The following DUS2 variants were observed in gnomAD, a reference collection of about 807,000 sequenced individuals.
DUS2 encodes the protein tRNA-dihydrouridine(20) synthase [NAD(P)+]-like.
A neutral mutation model predicts 71.3 loss-of-function variants in DUS2; 52 were observed. The observed-to-expected ratio is 0.73, with a 90% CI of 0.58 to 0.92. The LOEUF is 0.92. DUS2 is among the 40% of genes least tolerant of loss of function. The pLI, the probability that DUS2 is intolerant of heterozygous loss-of-function variation, is 0.00. For missense variants in DUS2, 558 were observed against 622.6 expected (o/e 0.90, Z 1.10); for synonymous variants, 204 against 227.8 (o/e 0.90, Z 0.94).
chr16:68,058,264 G>A (rs369669335), intron 7 of DUS2, among the ~76,000 whole-genome samples: 4 of 149,240 alleles, frequency 2.7e-5, no homozygotes, highest in African/African-American at 4.9e-5. Context: ...CACTCTTGTC[G>A]TGCAGGCTGG....
At chr16:68,048,381 A>G (rs1228064802) in intron 3 of DUS2, among the ~76,000 whole-genome samples, 1 of 152,148 alleles carries the variant, frequency 6.6e-6, no homozygotes, top group East Asian at 1.9e-4. Context: ...CCCTGCAACT[A>G]GGATCACTGG....
chr16:68,046,738 T>G (rs2033707009), intron 3 of DUS2, among the ~76,000 whole-genome samples: 1 of 152,164 alleles, frequency 6.6e-6, no homozygotes, highest in African/African-American at 2.4e-5. Context: ...TAACGTTTTC[T>G]CTCTCATTCT....
intron 10 of DUS2, among the ~76,000 whole-genome samples, chr16:68,067,386 A>C (rs1366830683): frequency 7.1e-6 from 1 of 140,512 alleles, no homozygotes; most frequent in African/African-American, 2.7e-5. Flanking sequence ...GGTTCAAGTG[A>C]TTCTCCTGCC....
intron 14 of DUS2, 25 bp downstream of exon 14, chr16:68,075,529 T>G: frequency 1.2e-6 from 2 of 1,603,290 alleles, no homozygotes; most frequent in Non-Finnish European, 8.5e-7. Flanking sequence ...TGGCCTCAGC[T>G]TGGGCTAGGG....
intron 3 of DUS2, among the ~76,000 whole-genome samples, chr16:68,040,027 T>C (rs2033597907): frequency 6.6e-6 from 1 of 151,960 alleles, no homozygotes; most frequent in Admixed American, 6.6e-5. Flanking sequence ...GAAGATTCAT[T>C]TGGGGGATTT....
In DUS2 at chr16:68,066,634, G is replaced by A. The variant is rs529784687; in HGVS notation, c.552G>A (p.Gly184=). Reference sequence around the variant, plus strand: ...GCATTGCTGCCATCGCAGTTCATGGGAGGTGAGTGGTCACCTTTCTAGTGA... The same window carrying A: ...GCATTGCTGCCATCGCAGTTCATGGAAGGTGAGTGGTCACCTTTCTAGTGA... The part of the protein sequence containing the change: ...RTGIAAIAVH[G]RKREERPQHP... The change falls in exon 10 of 17, where the codon GGG becomes GGA. Residue 184 remains glycine (G), a splice_region_variant and synonymous_variant. Transcript: ENST00000565263. 9.3e-6 allele frequency: 15 copies of A among 1,614,072 alleles called. No homozygotes were observed. In the South Asian group the frequency reaches 1.5e-4, roughly 17 times the overall value.
At chr16:68,027,253 T>G (rs1311431807) in intron 2 of DUS2, among the ~76,000 whole-genome samples, 1 of 152,058 alleles carries the variant, frequency 6.6e-6, no homozygotes, top group Non-Finnish European at 1.5e-5. Flanking sequence ...TTTTTTTTTT[T>G]TGGAGATGGA....
chr16:68,023,971 T>TA (rs1398241761), intron 1 of DUS2: 1 of 167,050 alleles, frequency 6.0e-6, no homozygotes, highest in African/African-American at 2.4e-5. Context: ...AAAATAGTAG[T>TA]AAGAAGGGTG....
chr16:68,028,348 G>A (rs1255095378), intron 2 of DUS2, among the ~76,000 whole-genome samples: 6 of 152,008 alleles, frequency 3.9e-5, no homozygotes, highest in Admixed American at 2.0e-4. Context: ...AATAATAGAC[G>A]TTAGAGGCCA....
intron 3 of DUS2, among the ~76,000 whole-genome samples, chr16:68,039,435 T>G (rs983253075): frequency 2.0e-5 from 3 of 151,982 alleles, no homozygotes; most frequent in African/African-American, 7.2e-5. Context: ...TTTTTTTTCC[T>G]TGAGACAGAG....
Position 68,062,156 on chromosome 16 carries a change from G to A in DUS2, c.417+1043G>A, listed in dbSNP as rs371776955. Reference sequence around the variant, plus strand: ...CTCCTGAGTAGCTGGGATTACAGGCGCCCACGACGACGCCTGGCTAATTTT... The same window carrying A: ...CTCCTGAGTAGCTGGGATTACAGGCACCCACGACGACGCCTGGCTAATTTT... On this transcript the variant is annotated intron_variant, in intron 8 of 16. Coordinates refer to ENST00000565263, the MANE Select transcript of DUS2 (RefSeq NM_017803.5). 5.9e-4 allele frequency among the ~76,000 whole-genome samples: 90 copies of A among 152,092 alleles called. 1 individual carries two copies. The highest frequency in any genetic ancestry group is 1.7e-3 in the South Asian group (8 of 4,804).
chr16:68,079,260 A>G lies in DUS2; in HGVS notation c.*274A>G, dbSNP rs528686320. On this transcript the variant is annotated 3_prime_UTR_variant, in exon 17 of 17. Coordinates refer to ENST00000565263, the MANE Select transcript of DUS2 (RefSeq NM_017803.5). ...CCCAACCTGACATTGGTACTGTGCA[A>G]TAAAGACACCCCCTACCCTCACCCA... 3 of 324,856 alleles carry G rather than the reference A, an allele frequency of 9.2e-6. No individual in the cohort carries two copies. Among genetic ancestry groups the G allele is most frequent in the Non-Finnish European group, 1.1e-5 (2 of 178,030 alleles). The allele number at this position is 324,856 out of a possible 1,614,324, so 20.1% of individuals were successfully genotyped here.
intron 5 of DUS2, chr16:68,053,865 T>G: frequency 3.7e-6 from 2 of 546,894 alleles, no homozygotes; most frequent in Non-Finnish European, 6.5e-6. Flanking sequence ...TATCACAGTC[T>G]TATATGTCTC....
At chr16:68,044,365 G>A (rs1167996686) in intron 3 of DUS2, among the ~76,000 whole-genome samples, 1 of 151,388 alleles carries the variant, frequency 6.6e-6, no homozygotes, top group Non-Finnish European at 1.5e-5. Context: ...CCATGAACAT[G>A]AGATGTCTTT....
intron 3 of DUS2, among the ~76,000 whole-genome samples, chr16:68,038,994 T>C (rs1368441095): frequency 2.0e-5 from 3 of 151,064 alleles, no homozygotes; most frequent in Non-Finnish European, 4.4e-5. Flanking sequence ...AGTCCAGGAG[T>C]TCGAGACCAG....
At position 68,041,093 on chromosome 16, in the gene DUS2, C is replaced by T. The variant is rs563435176; in HGVS notation, c.126+2944C>T. Among the ~76,000 whole-genome samples, 11 of 152,190 alleles carry T rather than the reference C, an allele frequency of 7.2e-5. No individual in the cohort carries two copies. The East Asian group carries it at 1.2e-3, about 16-fold the overall frequency. On this transcript the variant is annotated intron_variant, in intron 3 of 16. Transcript: ENST00000565263. ...AAAAATACAAAAAATTAGCTGTACGCGGTGGTGCACACCTGTAGTCCCAGC... is the reference window on the plus strand; with the variant it reads ...AAAAATACAAAAAATTAGCTGTACGTGGTGGTGCACACCTGTAGTCCCAGC...
chr16:68,050,868 C>T (rs994676421), intron 4 of DUS2, among the ~76,000 whole-genome samples: 1 of 152,172 alleles, frequency 6.6e-6, no homozygotes, highest in African/African-American at 2.4e-5. Flanking sequence ...AACAGAGTTG[C>T]ATTATAAACA....
At chr16:68,059,020 T>C (rs2033900770) in intron 7 of DUS2, among the ~76,000 whole-genome samples, 1 of 152,174 alleles carries the variant, frequency 6.6e-6, no homozygotes, top group African/African-American at 2.4e-5. Context: ...AAGACCAGTC[T>C]GGCCAAAAGA....
chr16:68,067,531 C>T (rs1398311859), intron 10 of DUS2, among the ~76,000 whole-genome samples: 1 of 151,648 alleles, frequency 6.6e-6, no homozygotes, highest in Non-Finnish European at 1.5e-5. Flanking sequence ...ATCTGCCCAC[C>T]TTGGCCTCCC....
Sources: allele counts gnomAD v4.1 joint callset (sites outside exome capture counted in the v4.1 genomes callset), GRCh38; gene constraint gnomAD v4.1.1; transcripts MANE v1.5; gene names NCBI Gene and HGNC (gene_info 2026-07-23, HGNC 2026-07-21).